Variants in FBXO16 observed in about 807,000 individuals in gnomAD.
FBXO16 encodes F-box only protein 16.
FBXO16 carries 31 observed loss-of-function variants against 41.0 expected under a neutral mutation model. That is an observed-to-expected ratio of 0.76 (90% CI 0.57 to 1.02). FBXO16 has a LOEUF of 1.02. Ranked by LOEUF, FBXO16 falls within the 50% of genes least tolerant of loss-of-function variation. The pLI is 0.00. For missense variants in FBXO16, 361 were observed against 346.2 expected, an observed-to-expected ratio of 1.04 and a Z score of -0.34; for synonymous variants, 133 against 117.8, an observed-to-expected ratio of 1.13 and a Z score of -0.84.
At chr8:28,480,641 C>G (rs1803495884) in intron 2 of FBXO16, among the ~76,000 whole-genome samples, 1 of 152,070 alleles carries the variant, frequency 6.6e-6, no homozygotes, top group Non-Finnish European at 1.5e-5. Context: ...GAAGCTGGGA[C>G]TACAGGGGTG....
At chr8:28,439,201 A>T (rs1802728438) in intron 7 of FBXO16, among the ~76,000 whole-genome samples, 1 of 152,170 alleles carries the variant, frequency 6.6e-6, no homozygotes, top group Non-Finnish European at 1.5e-5. Flanking sequence ...GGATTTAGGT[A>T]GGTGTCATTA....
intron 1 of FBXO16, among the ~76,000 whole-genome samples, chr8:28,487,617 A>G (rs1332265229): frequency 6.6e-6 from 1 of 150,936 alleles, no homozygotes; most frequent in Non-Finnish European, 1.5e-5. Flanking sequence ...CTTGTCTTGA[A>G]CTCCTGACCT....
intron 6 of FBXO16, 152 bp downstream of exon 6, chr8:28,452,092 T>C: frequency 3.1e-6 from 2 of 650,454 alleles, no homozygotes; most frequent in South Asian, 4.8e-5. Flanking sequence ...TTGCTAGTAA[T>C]GGTCAGTATC....
rs780095309 is a variant in FBXO16, at chr8:28,463,605, C to T, written c.342+7G>A. Reference sequence around the variant, plus strand: ...CAAAACACCACATACCCCTTCCTTGCCTTTACCTGTGCACAACGACAAAGG... The same window carrying T: ...CAAAACACCACATACCCCTTCCTTGTCTTTACCTGTGCACAACGACAAAGG... On this transcript the variant is annotated splice_region_variant and intron_variant, in intron 4 of 8. Coordinates refer to ENST00000380254, the MANE Select transcript of FBXO16 (RefSeq NM_172366.4). 6.2e-7 allele frequency: 1 copy of T among 1,613,536 alleles called. No homozygotes were observed. Among genetic ancestry groups the T allele is most frequent in the East Asian group, 2.2e-5 (1 of 44,878 alleles).
chr8:28,488,811 G>T (rs1476787736), intron 1 of FBXO16, among the ~76,000 whole-genome samples: 2 of 152,016 alleles, frequency 1.3e-5, no homozygotes, highest in African/African-American at 4.8e-5. Context: ...ACTTCCTCGC[G>T]TGGAAGTCTA....
At position 28,461,338 on chromosome 8, in the gene FBXO16, A is replaced by C. The variant is rs567751641; in HGVS notation, c.342+2274T>G. Among the ~76,000 whole-genome samples the C allele has an allele frequency of 8.5e-5, 13 of 152,324 alleles. No individual in the cohort carries two copies. The South Asian group carries it at 2.5e-3, about 29-fold the overall frequency. ...TGCCCAATGGTTCTCCATGGTGGTT[A>C]CATCTATTTATCTACCAGCAATATA... is the stretch of plus-strand genomic sequence containing the variant. On this transcript the variant is annotated intron_variant, in intron 4 of 8. Coordinates refer to ENST00000380254, the MANE Select transcript of FBXO16 (RefSeq NM_172366.4).
chr8:28,470,142 C>A (rs888531866), intron 3 of FBXO16, among the ~76,000 whole-genome samples: 2 of 151,398 alleles, frequency 1.3e-5, no homozygotes, highest in Non-Finnish European at 2.9e-5. Flanking sequence ...TGCAGTGAGC[C>A]GAGATCGTGC....
At chr8:28,459,596 G>T (rs1803090824) in intron 4 of FBXO16, among the ~76,000 whole-genome samples, 1 of 146,230 alleles carries the variant, frequency 6.8e-6, no homozygotes, top group African/African-American at 2.5e-5. Flanking sequence ...CTCCAGCCTG[G>T]GCGACAAGAG....
chr8:28,441,253 C>G (rs751583056), intron 7 of FBXO16, among the ~76,000 whole-genome samples: 1 of 152,136 alleles, frequency 6.6e-6, no homozygotes, highest in Non-Finnish European at 1.5e-5. Flanking sequence ...CTCTTCCCTT[C>G]CAGGAGCAGA....
In FBXO16 at chr8:28,486,673, C is replaced by CA. The variant is rs201333561; in HGVS notation, c.-16-3212dup. ...TTATCTCTACACAAAGTAAAAAAAC[C>CA]AAAAAATTAGCTGGGCTTAGTGGTG... On this transcript the variant is annotated intron_variant, in intron 1 of 8. Transcript: ENST00000380254. Among the ~76,000 whole-genome samples, 1,296 of 151,654 alleles carry CA rather than the reference C, an allele frequency of 8.5e-3. 19 individuals are homozygous for CA. The highest frequency in any genetic ancestry group is 0.03 in the African/African-American group (1,232 of 41,364).
At chr8:28,470,858 T>G (rs772155921) in intron 3 of FBXO16, among the ~76,000 whole-genome samples, 5 of 152,266 alleles carry the variant, frequency 3.3e-5, no homozygotes, top group Non-Finnish European at 5.9e-5. Flanking sequence ...TCATGCAATT[T>G]GCAAAACAGT....
intron 6 of FBXO16, chr8:28,448,894 C>G (rs1287049061): frequency 2.0e-5 from 3 of 152,182 alleles, no homozygotes; most frequent in African/African-American, 7.2e-5. Context: ...AGTTGAGCAG[C>G]TGTGACAGAG....
At chr8:28,474,981 G>C (rs964729905) in intron 2 of FBXO16, among the ~76,000 whole-genome samples, 1 of 152,148 alleles carries the variant, frequency 6.6e-6, no homozygotes, top group African/African-American at 2.4e-5. Context: ...GGCAGAGAAG[G>C]GGGTTATTAA....
At chr8:28,473,265 C>G (rs944252512) in intron 3 of FBXO16, among the ~76,000 whole-genome samples, 3 of 152,184 alleles carry the variant, frequency 2.0e-5, no homozygotes, top group Admixed American at 1.3e-4. Flanking sequence ...AAAGCACCTG[C>G]CATGCTTCTC....
chr8:28,468,892 GAATA>G (rs1261154444), intron 3 of FBXO16, among the ~76,000 whole-genome samples: 1 of 150,464 alleles, frequency 6.6e-6, no homozygotes, highest in Non-Finnish European at 1.5e-5. Context: ...AGAATCAATA[GAATA>G]AAAAATGAAA....
intron 3 of FBXO16, among the ~76,000 whole-genome samples, chr8:28,468,936 CTCACT>C (rs1317098082): frequency 6.6e-6 from 1 of 151,946 alleles, no homozygotes; most frequent in African/African-American, 2.4e-5. Flanking sequence ...CCCATTAAAT[CTCACT>C]TCATCTCCCA....
intron 7 of FBXO16, among the ~76,000 whole-genome samples, chr8:28,433,606 G>A (rs1394289397): frequency 6.6e-6 from 1 of 152,184 alleles, no homozygotes; most frequent in Admixed American, 6.5e-5. Context: ...AAGCTCTTGA[G>A]GGCAGGGGCT....
chr8:28,481,079 C>T (rs533753067), intron 2 of FBXO16, among the ~76,000 whole-genome samples: 4 of 152,086 alleles, frequency 2.6e-5, no homozygotes, highest in African/African-American at 9.6e-5. Flanking sequence ...GCCTGGGCAT[C>T]AGATGTGAGG....
At chr8:28,481,781 G>T (rs1803517096) in intron 2 of FBXO16, among the ~76,000 whole-genome samples, 1 of 143,196 alleles carries the variant, frequency 7.0e-6, no homozygotes, top group South Asian at 2.2e-4. Context: ...CTGCACTCCA[G>T]TCTGGTGACA....
Sources: allele counts gnomAD v4.1 joint callset (sites outside exome capture counted in the v4.1 genomes callset), GRCh38; gene constraint gnomAD v4.1.1; transcripts MANE v1.5; gene names NCBI Gene and HGNC (gene_info 2026-07-23, HGNC 2026-07-21).